Variants in FIRRM observed in about 807,000 individuals in gnomAD.
FIRRM encodes FIGNL1-interacting regulator of recombination and mitosis.
the FIRRM span, chr1:169,802,645 A>G: frequency 4.3e-6 from 7 of 1,611,474 alleles, no homozygotes; most frequent in Non-Finnish European, 5.9e-6. Flanking sequence ...CGATGACATG[A>G]TGTATGAATT....
At chr1:169,787,051 C>T in the FIRRM span, among the ~76,000 whole-genome samples, 76,658 of 151,576 alleles carry the variant, frequency 0.51, 19,835 homozygotes, top group Middle Eastern at 0.63. Flanking sequence ...CAGAACTATG[C>T]TGCTGCTGCT....
chr1:169,848,765 T>C, the FIRRM span, among the ~76,000 whole-genome samples: 1 of 152,208 alleles, frequency 6.6e-6, no homozygotes, highest in Non-Finnish European at 1.5e-5. Context: ...CACTATGGAC[T>C]ATGCACGGGC....
the FIRRM span, among the ~76,000 whole-genome samples, chr1:169,846,231 A>C: frequency 2.0e-5 from 3 of 152,218 alleles, no homozygotes; most frequent in African/African-American, 7.2e-5. Flanking sequence ...ACAGTGATAT[A>C]AACAGGTATG....
chr1:169,814,666 T>C, the FIRRM span, among the ~76,000 whole-genome samples: 12 of 152,244 alleles, frequency 7.9e-5, no homozygotes, highest in African/African-American at 2.9e-4. Context: ...ATATTGTAAA[T>C]TGAGGTCTGC....
chr1:169,850,332 C>T, the FIRRM span: 1 of 1,605,930 alleles, frequency 6.2e-7, no homozygotes, highest in Non-Finnish European at 8.5e-7. Context: ...AAAGTTGTAT[C>T]CTTTCTGGAG....
At chr1:169,853,825 A>C in the FIRRM span, 1 of 1,590,406 alleles carries the variant, frequency 6.3e-7, no homozygotes, top group African/African-American at 1.4e-5. Context: ...CATATGCAAA[A>C]ATCATACGCA....
chr1:169,842,825 T>G, the FIRRM span, among the ~76,000 whole-genome samples: 9,894 of 152,224 alleles, frequency 0.065, 426 homozygotes, highest in Non-Finnish European at 0.099. Flanking sequence ...CCCTATTGTT[T>G]CTGTTCTGTC....
At chr1:169,850,340 G>A in the FIRRM span, 1 of 1,601,346 alleles carries the variant, frequency 6.2e-7, no homozygotes, top group South Asian at 1.1e-5. Context: ...ATCCTTTCTG[G>A]AGAAGGTACT....
At chr1:169,797,494 A>T in the FIRRM span, among the ~76,000 whole-genome samples, 2 of 152,232 alleles carry the variant, frequency 1.3e-5, no homozygotes, top group Non-Finnish European at 2.9e-5. Context: ...GCTGTAAAAA[A>T]TAAGATTTCG....
chr1:169,817,537 C>A, the FIRRM span, among the ~76,000 whole-genome samples: 3 of 152,194 alleles, frequency 2.0e-5, no homozygotes, highest in East Asian at 5.8e-4. Flanking sequence ...ACAAATATAG[C>A]CCAAAGAAAG....
chr1:169,794,852 G>C, the FIRRM span: 4 of 489,792 alleles, frequency 8.2e-6, no homozygotes, highest in Non-Finnish European at 1.1e-5. Flanking sequence ...CTGGGATCGC[G>C]CTTCTGAAAA....
At chr1:169,793,408 G>A in the FIRRM span, 1 of 1,614,130 alleles carries the variant, frequency 6.2e-7, no homozygotes, top group Non-Finnish European at 8.5e-7. Flanking sequence ...CAGCTCTCAA[G>A]GAGGGCTGTT....
At chr1:169,795,287 T>C in the FIRRM span, 1 of 1,471,356 alleles carries the variant, frequency 6.8e-7, no homozygotes, top group Non-Finnish European at 9.1e-7. Flanking sequence ...TTCTGTCCCT[T>C]CAGACCCACC....
chr1:169,792,520 ACACT>A, the FIRRM span: 34 of 1,385,882 alleles, frequency 2.5e-5, no homozygotes, highest in Non-Finnish European at 3.3e-5. Context: ...CAGAAATCAA[ACACT>A]CAAATTTTTG....
the FIRRM span, chr1:169,830,630 C>T: frequency 6.8e-7 from 1 of 1,461,776 alleles, no homozygotes; most frequent in Non-Finnish European, 9.6e-7. Context: ...GTGCTTTATG[C>T]AAGTTCATCT....
At chr1:169,818,912 C>A in the FIRRM span, among the ~76,000 whole-genome samples, 10,089 of 152,212 alleles carry the variant, frequency 0.066, 431 homozygotes, top group Non-Finnish European at 0.099. Context: ...GTCTTGAACT[C>A]CTGACCCCAG....
the FIRRM span, among the ~76,000 whole-genome samples, chr1:169,826,523 C>T: frequency 6.6e-6 from 1 of 151,894 alleles, no homozygotes; most frequent in African/African-American, 2.4e-5. Flanking sequence ...CCACCACAAC[C>T]AGCTAATTTT....
the FIRRM span, chr1:169,793,732 TC>T: frequency 6.6e-7 from 1 of 1,517,986 alleles, no homozygotes; most frequent in Non-Finnish European, 8.8e-7. Context: ...AAATTCAGAT[TC>T]TTCAACTTCT....
the FIRRM span, among the ~76,000 whole-genome samples, chr1:169,812,673 A>G: frequency 6.6e-6 from 1 of 152,172 alleles, no homozygotes; most frequent in Non-Finnish European, 1.5e-5. Flanking sequence ...GCTGGCCAAC[A>G]TGGTGAAACC....
Sources: gnomAD v4.1 joint callset for allele counts (sites outside exome capture counted in the v4.1 genomes callset) on GRCh38, gnomAD v4.1.1 for gene constraint, MANE v1.5 for transcripts, NCBI Gene and HGNC (gene_info 2026-07-23, HGNC 2026-07-21) for gene names.